The following TRAPPC11 variants were observed in gnomAD, a reference collection of about 807,000 sequenced individuals.
The protein encoded by TRAPPC11 is trafficking protein particle complex subunit 11, also known as foie gras homolog.
Under a neutral mutation model 151.2 loss-of-function variants are expected in TRAPPC11, and 104 were observed. That is an observed-to-expected ratio of 0.69 (90% CI 0.59 to 0.81). The LOEUF is 0.81. Among genes scored for constraint, TRAPPC11 ranks in the 30% least tolerant of loss-of-function variants. The pLI is 0.00. For missense variants in TRAPPC11, 1,230 were observed against 1,349.6 expected (o/e 0.91, Z 1.39); for synonymous variants, 456 against 472.3 (o/e 0.97, Z 0.45).
Position 183,713,587 on chromosome 4 carries a change from C to T in TRAPPC11, c.*943C>T, listed in dbSNP as rs1236368843. The T allele has an allele frequency of 6.6e-6, 1 of 152,632 alleles. No individual in the cohort carries two copies. Among genetic ancestry groups the T allele is most frequent in the African/African-American group, 2.4e-5 (1 of 41,454 alleles). 9.5% of individuals were successfully genotyped at this position (152,632 alleles called of 1,614,324 possible). ...TGATGTAAATAAACATGTTCTCTTT[C>T]AAGTATGCTTGTCTGTCTCTATCTT... On this transcript the variant is annotated 3_prime_UTR_variant, in exon 30 of 30. Coordinates refer to ENST00000334690, the MANE Select transcript of TRAPPC11 (RefSeq NM_021942.6).
At chr4:183,688,075 A>G (rs1219575252) in intron 18 of TRAPPC11, among the ~76,000 whole-genome samples, 1 of 152,166 alleles carries the variant, frequency 6.6e-6, no homozygotes, top group African/African-American at 2.4e-5. Flanking sequence ...TCTTTCACCA[A>G]CAAGCATTTA....
intron 2 of TRAPPC11, 131 bp downstream of exon 2, chr4:183,664,202 G>A: frequency 2.7e-6 from 2 of 738,222 alleles, no homozygotes; most frequent in Non-Finnish European, 4.5e-6. Flanking sequence ...GAAAGCCTTA[G>A]GCATTTTCAT....
chr4:183,681,794 T>C (rs1055416611), intron 10 of TRAPPC11, among the ~76,000 whole-genome samples: 3 of 147,898 alleles, frequency 2.0e-5, no homozygotes, highest in Non-Finnish European at 4.5e-5. Flanking sequence ...AAAAGTAAAA[T>C]AAAATTTCCA....
In TRAPPC11 at chr4:183,697,542, G is replaced by A. The variant is rs1385671148; in HGVS notation, c.2668G>A (p.Val890Ile). Reference protein sequence around the residue: ...VTIETVFPFDVAVKFVSTKFE... With the variant: ...VTIETVFPFDIAVKFVSTKFE... ...AATTGAAACAGTCTTTCCATTTGATGTTGCGGTTAAATTTGTTTCTACCAA... is the reference window on the plus strand; with the variant it reads ...AATTGAAACAGTCTTTCCATTTGATATTGCGGTTAAATTTGTTTCTACCAA... Residue 890 changes from valine to isoleucine, a missense_variant, in exon 24 of 30, where the codon GTT (valine) becomes ATT (isoleucine). By Grantham distance (29) the Val-to-Ile change is conservative. Coordinates refer to ENST00000334690, the MANE Select transcript of TRAPPC11 (RefSeq NM_021942.6). The A allele has an allele frequency of 6.2e-7, 1 of 1,604,912 alleles. No individual in the cohort carries two copies. The highest frequency in any genetic ancestry group is 1.1e-5 in the South Asian group (1 of 88,646).
At chr4:183,677,122 T>A (rs1168585018) in intron 7 of TRAPPC11, among the ~76,000 whole-genome samples, 1 of 152,240 alleles carries the variant, frequency 6.6e-6, no homozygotes, top group Non-Finnish European at 1.5e-5. Context: ...TTTGAGAGCT[T>A]GTAATGGTAC....
intron 26 of TRAPPC11, among the ~76,000 whole-genome samples, chr4:183,703,116 G>T (rs1324686455): frequency 4.6e-5 from 7 of 152,136 alleles, no homozygotes; most frequent in Non-Finnish European, 1.0e-4. Context: ...GAACAAGAAG[G>T]AAAATCCCCT....
intron 26 of TRAPPC11, among the ~76,000 whole-genome samples, chr4:183,704,596 G>A (rs1292813876): frequency 1.3e-5 from 2 of 151,338 alleles, no homozygotes; most frequent in Admixed American, 6.6e-5. Flanking sequence ...GGCGGATCAC[G>A]AGGTCAGGAG....
chr4:183,697,895 G>C (rs1736626141), intron 25 of TRAPPC11, 60 bp downstream of exon 25: 7 of 1,481,832 alleles, frequency 4.7e-6, no homozygotes, highest in Non-Finnish European at 6.4e-6. Context: ...GTGTGTGTGT[G>C]TGTATAAGCT....
chr4:183,704,396 C>T (rs899266246), intron 26 of TRAPPC11, among the ~76,000 whole-genome samples: 2 of 151,920 alleles, frequency 1.3e-5, no homozygotes, highest in African/African-American at 2.4e-5. Context: ...CTTCACGCGC[C>T]TGTAATCCCA....
At chr4:183,660,205 A>C (rs1734402039) in intron 1 of TRAPPC11, among the ~76,000 whole-genome samples, 1 of 152,200 alleles carries the variant, frequency 6.6e-6, no homozygotes, top group African/African-American at 2.4e-5. Context: ...GTGACATAGG[A>C]GAATGTGGCA....
chr4:183,679,540 G>A lies in TRAPPC11; in HGVS notation c.965+54G>A, dbSNP rs11937605. ...TTTTAAAAATGATACATAGTATTTGGAGAAATAGCATGGACTTTGGTTCTA... is the reference window on the plus strand; with the variant it reads ...TTTTAAAAATGATACATAGTATTTGAAGAAATAGCATGGACTTTGGTTCTA... On this transcript the variant is annotated intron_variant, in intron 9 of 29. Transcript: ENST00000334690. 4.8e-3 allele frequency: 7,017 copies of A among 1,464,194 alleles called. 293 individuals carry two copies. The African/African-American group carries it at 0.087, about 18-fold the overall frequency. 90.7% of individuals were successfully genotyped at this position (1,464,194 alleles called of 1,614,324 possible).
At chr4:183,682,622 A>T in intron 10 of TRAPPC11, 110 bp from the exon 11 acceptor site, 1 of 480,442 alleles carries the variant, frequency 2.1e-6, no homozygotes, top group East Asian at 3.4e-5. Context: ...TTGAATATAT[A>T]TTTGGTGGTT....
intron 2 of TRAPPC11, among the ~76,000 whole-genome samples, chr4:183,665,576 A>G (rs1030808112): frequency 2.6e-5 from 4 of 152,172 alleles, no homozygotes; most frequent in African/African-American, 9.7e-5. Context: ...TCCTTGCTGG[A>G]GGTAGACATT....
At chr4:183,695,243 C>A (rs1307645326) in intron 23 of TRAPPC11, among the ~76,000 whole-genome samples, 3 of 152,116 alleles carry the variant, frequency 2.0e-5, no homozygotes, top group African/African-American at 7.2e-5. Flanking sequence ...ATCCACTGGA[C>A]CCGGCCTATA....
intron 5 of TRAPPC11, among the ~76,000 whole-genome samples, chr4:183,670,754 C>T (rs992940812): frequency 1.9e-4 from 29 of 152,024 alleles, no homozygotes; most frequent in African/African-American, 6.5e-4. Context: ...TACAGGCATG[C>T]ACCACCACAC....
chr4:183,696,113 C>T (rs561161478), intron 23 of TRAPPC11, among the ~76,000 whole-genome samples: 2 of 152,260 alleles, frequency 1.3e-5, no homozygotes, highest in Non-Finnish European at 2.9e-5. Context: ...ACTTGGAATG[C>T]TCAACAAGTA....
chr4:183,701,981 G>A lies in TRAPPC11; in HGVS notation c.2963+173G>A, dbSNP rs115256963. On this transcript the variant is annotated intron_variant, in intron 26 of 29. Coordinates refer to ENST00000334690, the MANE Select transcript of TRAPPC11 (RefSeq NM_021942.6). ...AATTAAAGCTGAATTTGTGCTTGTC[G>A]TAATTTGTGACTTATATGCTATTAA... is the stretch of plus-strand genomic sequence containing the variant. Among the ~76,000 whole-genome samples, 1,593 of 152,224 alleles carry A rather than the reference G, an allele frequency of 0.01. 15 individuals are homozygous for A. Among genetic ancestry groups the A allele is most frequent in the Non-Finnish European group, 0.016 (1,084 of 68,014 alleles).
rs1736611181 is a variant in TRAPPC11 at position 183,697,747 on chromosome 4, A to C, written c.2763A>C (p.Ser921=). Residue 921 remains serine (S), a synonymous_variant, in exon 25 of 30, where the codon TCA becomes TCC. Transcript: ENST00000334690. ...FLLMTDLLSA[S]PWALTIVSSE... is the part of the protein sequence containing the mutation. ...TGATGACGGACCTCTTAAGTGCCTC[A>C]CCCTGGGCCCTCACTATTGTTTCCA... 6.2e-7 allele frequency: 1 copy of C among 1,613,992 alleles called. No homozygotes were observed. Among genetic ancestry groups the C allele is most frequent in the Non-Finnish European group, 8.5e-7 (1 of 1,180,044 alleles).
chr4:183,674,702 G>GT lies in TRAPPC11; in HGVS notation c.561-5dup. On this transcript the variant is annotated splice_polypyrimidine_tract_variant and intron_variant, in intron 5 of 29. Coordinates refer to ENST00000334690, the MANE Select transcript of TRAPPC11 (RefSeq NM_021942.6). ...AATATGTAAATGCTTGTTTGTTTTT[G>GT]TTTTTTACAGATTGGAAAATGCCTT... 4 of 1,488,330 alleles carry GT rather than the reference G, an allele frequency of 2.7e-6. No individual in the cohort carries two copies. Among genetic ancestry groups the GT allele is most frequent in the East Asian group, 5.0e-5 (2 of 40,148 alleles). 92.2% of individuals were successfully genotyped at this position (1,488,330 alleles called of 1,614,324 possible). A position where few individuals can be genotyped will look rare whatever the true frequency, so the allele number is the denominator to read the frequency against.
Sources: gnomAD v4.1 joint callset for allele counts (sites outside exome capture counted in the v4.1 genomes callset) on GRCh38, gnomAD v4.1.1 for gene constraint, MANE v1.5 for transcripts, NCBI Gene and HGNC (gene_info 2026-07-23, HGNC 2026-07-21) for gene names.